TTN: variants seen among roughly 807,000 people sequenced by gnomAD.
TTN encodes titin.
TTN carries 1,525 observed loss-of-function variants against 3,223.0 expected under a neutral mutation model. That is an observed-to-expected ratio of 0.47 (90% CI 0.45 to 0.49). The LOEUF is 0.49. Among genes scored for constraint, TTN ranks in the 20% least tolerant of loss-of-function variants. TTN has a pLI of 0.00. For missense variants in TTN, 40,786 were observed against 43,424.0 expected (o/e 0.94, Z 5.40); for synonymous variants, 14,094 against 15,161.0 (o/e 0.93, Z 5.17).
Position 178,537,430 on chromosome 2 carries a change from G to A in TTN, c.99777C>T (p.Val33259=). The change falls in exon 355 of 363, where the codon GTC becomes GTT. Residue 33259 remains valine (V), a synonymous_variant. Coordinates refer to ENST00000589042, the MANE Select transcript of TTN (RefSeq NM_001267550.2). Reference sequence around the variant, plus strand: ...ATTTCCCAGCATGAGTCTTACGTTGGACATTCTTCATGACAAGATGAGTAT... The same window carrying A: ...ATTTCCCAGCATGAGTCTTACGTTGAACATTCTTCATGACAAGATGAGTAT... ...EHYTHLVMKN[V]QRKTHAGKYK... is the part of the protein sequence containing the mutation. 1 of 1,612,724 alleles carries A rather than the reference G, an allele frequency of 6.2e-7. No homozygotes were observed. The highest frequency in any genetic ancestry group is 8.5e-7 in the Non-Finnish European group (1 of 1,179,266).
At position 178,609,968 on chromosome 2, in the gene TTN, A is replaced by G; in HGVS notation, c.51455T>C (p.Val17152Ala). ...TGTAGGATTATGAACCTCTACATCTACAGGTGGATCAGGGGGTTCTGAAGA... is the reference window on the plus strand; with the variant it reads ...TGTAGGATTATGAACCTCTACATCTGCAGGTGGATCAGGGGGTTCTGAAGA... Reference protein sequence around the residue: ...QDPKQPPDPPVDVEVHNPTAE... With the variant: ...QDPKQPPDPPADVEVHNPTAE... Residue 17152 changes from valine (V) to alanine (A), a missense_variant, in exon 272 of 363, where the codon GTA becomes GCA. Physicochemically the swap from Val to Ala is moderately conservative, Grantham distance 64. Transcript: ENST00000589042. 6.2e-7 allele frequency: 1 copy of G among 1,612,082 alleles called. No individual in the cohort carries two copies. The highest frequency in any genetic ancestry group is 8.5e-7 in the Non-Finnish European group (1 of 1,178,972).
At chr2:178,542,998 A>G in intron 347 of TTN, 49 bp from the exon 348 acceptor site, 1 of 1,541,982 alleles carries the variant, frequency 6.5e-7, no homozygotes, top group Non-Finnish European at 8.7e-7. Flanking sequence ...TTTTTATGGT[A>G]AATTGTTACG....
intron 41 of TTN, among the ~76,000 whole-genome samples, chr2:178,765,902 G>A (rs984527079): frequency 2.0e-5 from 3 of 152,154 alleles, no homozygotes; most frequent in Admixed American, 2.0e-4. Context: ...AGAGCTTGGG[G>A]TAGAGAGGAT....
Position 178,654,535 on chromosome 2 carries a change from C to T in TTN, c.38207-1G>A. On this transcript the variant is annotated splice_acceptor_variant, in intron 191 of 362. Transcript: ENST00000589042. LOFTEE classifies it high-confidence loss of function. ...TCCTTCGGTGGCAGCACTTCAGGCACTTCAAAGATATTTGTAATTTGTGTT... is the reference window on the plus strand; with the variant it reads ...TCCTTCGGTGGCAGCACTTCAGGCATTTCAAAGATATTTGTAATTTGTGTT... 1 of 1,271,226 alleles carries T rather than the reference C, an allele frequency of 7.9e-7. No homozygotes were observed. The highest frequency in any genetic ancestry group is 1.7e-5 in the African/African-American group (1 of 60,198). 78.7% of individuals were successfully genotyped at this position (1,271,226 alleles called of 1,614,324 possible). A position where few individuals can be genotyped will look rare whatever the true frequency, so the allele number is the denominator to read the frequency against.
In TTN at chr2:178,715,789, G is replaced by A. The variant is rs552766108; in HGVS notation, c.25640-15C>T. 2.6e-6 allele frequency: 4 copies of A among 1,564,574 alleles called. No individual in the cohort carries two copies. The South Asian group carries it at 4.7e-5, about 18-fold the overall frequency. On this transcript the variant is annotated splice_polypyrimidine_tract_variant and intron_variant, in intron 88 of 362. Coordinates refer to ENST00000589042, the MANE Select transcript of TTN (RefSeq NM_001267550.2). ...CCTGGGTGGTTCTATGGAACCAAGA[G>A]GAAAAACACAGGGTAAGGGATGGAA...
chr2:178,716,458 C>G (rs963945940), intron 88 of TTN, among the ~76,000 whole-genome samples: 1 of 152,146 alleles, frequency 6.6e-6, no homozygotes, highest in African/African-American at 2.4e-5. Flanking sequence ...ACCACCACTA[C>G]AAAAACCCTT....
Position 178,554,872 on chromosome 2 carries a change from C to G in TTN, c.88587G>C (p.Gln29529His). ...MGSASATIRV[Q>H]ILDKPGPPGG... ...TCTGTATTCAGCACCTACCAAGGAT[C>G]TGTACTCTGATGGTGGCTGAGGCTG... Residue 29529 changes from glutamine to histidine, a missense_variant, in exon 331 of 363, where the codon CAG becomes CAC. Gln to His is a conservative substitution (Grantham distance 24). Coordinates refer to ENST00000589042, the MANE Select transcript of TTN (RefSeq NM_001267550.2). 1 of 1,613,902 alleles carries G rather than the reference C, an allele frequency of 6.2e-7. No individual in the cohort carries two copies. Among genetic ancestry groups the G allele is most frequent in the Non-Finnish European group, 8.5e-7 (1 of 1,179,854 alleles).
At position 178,777,693 on chromosome 2, in the gene TTN, A is replaced by C. The variant is rs2092377617; in HGVS notation, c.4480+11T>G. On this transcript the variant is annotated intron_variant, in intron 25 of 362. Coordinates refer to ENST00000589042, the MANE Select transcript of TTN (RefSeq NM_001267550.2). ...TTTTATGATTCATGAGCAAAAACTT[A>C]TCACGCTTACCATCATGAAACCAGA... 1 of 1,614,064 alleles carries C rather than the reference A, an allele frequency of 6.2e-7. No homozygotes were observed. Among genetic ancestry groups the C allele is most frequent in the Non-Finnish European group, 8.5e-7 (1 of 1,179,956 alleles).
chr2:178,600,055 A>G (rs924054322), intron 288 of TTN, among the ~76,000 whole-genome samples: 5 of 151,950 alleles, frequency 3.3e-5, no homozygotes, highest in Non-Finnish European at 7.4e-5. Flanking sequence ...TTGGATCTAC[A>G]TGTGGCTATG....
At position 178,557,822 on chromosome 2, in the gene TTN, T is replaced by C. The variant is rs1214776587; in HGVS notation, c.87532A>G (p.Arg29178Gly). 1 of 1,613,984 alleles carries C rather than the reference T, an allele frequency of 6.2e-7. No homozygotes were observed. The highest frequency in any genetic ancestry group is 1.1e-5 in the South Asian group (1 of 91,086). Residue 29178 changes from arginine (R) to glycine (G), a missense_variant, in exon 328 of 363, where the codon AGA becomes GGA. Transcript: ENST00000589042. ...GTCCACACTGCAGTACTTGTTTCTC[T>C]TTTGAGTAGAATGTAGTTGGTAACT... Reference protein sequence around the residue: ...SQVTNYILLKRETSTAVWTEV... With the variant: ...SQVTNYILLKGETSTAVWTEV...
intron 330 of TTN, 88 bp from the exon 331 acceptor site, chr2:178,555,240 C>A: frequency 7.9e-7 from 1 of 1,265,006 alleles, no homozygotes. Flanking sequence ...AGGTCATTGG[C>A]CATTATTAAA....
chr2:178,691,880 G>A, intron 121 of TTN, 136 bp downstream of exon 121: 3 of 602,532 alleles, frequency 5.0e-6, no homozygotes, highest in Admixed American at 6.7e-5. Flanking sequence ...TGGCACGGAA[G>A]CTGACAAACA....
At chr2:178,751,537 C>T (rs760366980) in intron 47 of TTN, 2 of 1,613,372 alleles carry the variant, frequency 1.2e-6, no homozygotes, top group Non-Finnish European at 1.7e-6. Flanking sequence ...CAACTAAAGC[C>T]TCCACATTTT....
Position 178,715,514 on chromosome 2 carries a change from T to A in TTN, c.25900A>T (p.Ser8634Cys), listed in dbSNP as rs769050572. The part of the protein sequence containing the change: ...AHNAAGSASS[S>C]TSLKVKEPPI... Reference sequence around the variant, plus strand: ...TGACCTTTAACTTTTAAGGATGTGCTGCTGCTGGCACTGCCTGCTGCATTG... The same window carrying A: ...TGACCTTTAACTTTTAAGGATGTGCAGCTGCTGGCACTGCCTGCTGCATTG... Residue 8634 changes from serine (S) to cysteine (C), a missense_variant, in exon 89 of 363, where the codon AGC (serine) becomes TGC (cysteine). Physicochemically the swap from Ser to Cys is moderately radical, Grantham distance 112. Transcript: ENST00000589042. 5 of 1,612,136 alleles carry A rather than the reference T, an allele frequency of 3.1e-6. No homozygotes were observed. In the East Asian group the frequency reaches 1.1e-4, roughly 36 times the overall value.
In TTN at chr2:178,800,573, C is replaced by T. The variant is rs2154359043; in HGVS notation, c.405G>A (p.Val135=). The T allele has an allele frequency of 6.2e-7, 1 of 1,614,110 alleles. No homozygotes were observed. Among genetic ancestry groups the T allele is most frequent in the Non-Finnish European group, 8.5e-7 (1 of 1,179,988 alleles). The change falls in exon 4 of 363, where the codon GTG becomes GTA. Residue 135 remains valine, a synonymous_variant. Transcript: ENST00000589042. ...VRVTGIPTPV[V]KFYRDGAEIQ... is the part of the protein sequence containing the mutation. Reference sequence around the variant, plus strand: ...TTTCGGCTCCATCCCGGTAGAACTTCACCACAGGTGTAGGGATTCCAGTCA... The same window carrying T: ...TTTCGGCTCCATCCCGGTAGAACTTTACCACAGGTGTAGGGATTCCAGTCA...
At position 178,639,693 on chromosome 2, in the gene TTN, A is replaced by G. The variant is rs1276309571; in HGVS notation, c.40876+6T>C. 6.2e-7 allele frequency: 1 copy of G among 1,611,398 alleles called. No homozygotes were observed. The highest frequency in any genetic ancestry group is 8.5e-7 in the Non-Finnish European group (1 of 1,178,506). ...ACTAGCAAAAAGAAAGCTACAGGAT[A>G]AATACCTGCTTTCTTTCCAACCACT... On this transcript the variant is annotated splice_donor_region_variant and intron_variant, in intron 223 of 362. Coordinates refer to ENST00000589042, the MANE Select transcript of TTN (RefSeq NM_001267550.2).
intron 133 of TTN, among the ~76,000 whole-genome samples, chr2:178,683,630 C>T (rs1313162249): frequency 6.6e-6 from 1 of 151,990 alleles, no homozygotes; most frequent in Non-Finnish European, 1.5e-5. Flanking sequence ...ACTTCTAAGA[C>T]ATTTTCCTTA....
In TTN at chr2:178,605,717, T is replaced by C. The variant is rs772324772; in HGVS notation, c.53582-4A>G. Reference sequence around the variant, plus strand: ...CTCTCTGGAGATGTTGGAGGACCTTTAGCCAGAGGCAAGTGAAAATGATTA... The same window carrying C: ...CTCTCTGGAGATGTTGGAGGACCTTCAGCCAGAGGCAAGTGAAAATGATTA... On this transcript the variant is annotated splice_region_variant and splice_polypyrimidine_tract_variant and intron_variant, in intron 278 of 362. Transcript: ENST00000589042. 17 of 1,479,770 alleles carry C rather than the reference T, an allele frequency of 1.1e-5. No individual in the cohort carries two copies. Among genetic ancestry groups the C allele is most frequent in the African/African-American group, 2.8e-5 (2 of 70,892 alleles). 91.7% of individuals were successfully genotyped at this position (1,479,770 alleles called of 1,614,324 possible).
At chr2:178,699,384 T>G (rs1432962009) in intron 111 of TTN, among the ~76,000 whole-genome samples, 1 of 5,100 alleles carries the variant, frequency 2.0e-4, no homozygotes, top group Non-Finnish European at 3.3e-4. Flanking sequence ...AATAACACTC[T>G]TTTTTTTTTT....
Sources: allele counts gnomAD v4.1 joint callset (sites outside exome capture counted in the v4.1 genomes callset), GRCh38; gene constraint gnomAD v4.1.1; transcripts MANE v1.5; gene names NCBI Gene and HGNC (gene_info 2026-07-23, HGNC 2026-07-21).